Variants in NEBL observed in about 807,000 individuals in gnomAD.
NEBL encodes nebulette.
In NEBL, 122 loss-of-function variants were observed where a neutral mutation model predicts 140.2. The ratio of observed to expected loss-of-function variants is 0.87; its 90% CI spans 0.75 to 1.01. The LOEUF (loss-of-function observed/expected upper bound fraction) is 1.01, where lower values mean the gene tolerates loss of function less well. Among genes scored for constraint, NEBL ranks in the 50% least tolerant of loss-of-function variants. The probability of loss-of-function intolerance (pLI) is 0.00; values close to 1 mark genes in which losing one functional copy is unlikely to be tolerated. For missense variants in NEBL, 1,365 were observed against 1,231.3 expected (o/e 1.11, Z -1.62); for synonymous variants, 436 against 398.9 (o/e 1.09, Z -1.11).
intron 2 of NEBL, among the ~76,000 whole-genome samples, chr10:21,024,844 CAGATA>C (rs1278647002): frequency 6.6e-5 from 10 of 151,950 alleles, no homozygotes; most frequent in Admixed American, 6.6e-4. Context: ...AAAAGAAAAC[CAGATA>C]AGATAAGAAA....
intron 3 of NEBL, among the ~76,000 whole-genome samples, chr10:21,180,930 G>C (rs1354974914): frequency 6.6e-6 from 1 of 152,042 alleles, no homozygotes; most frequent in East Asian, 1.9e-4. Context: ...TTACCTGCAG[G>C]CCTGGGACCT....
intron 3 of NEBL, among the ~76,000 whole-genome samples, chr10:21,196,976 G>A (rs1841663808): frequency 6.6e-6 from 1 of 152,080 alleles, no homozygotes. Context: ...TTTTTTCTCG[G>A]ATGTTATTTC....
intron 1 of NEBL, among the ~76,000 whole-genome samples, chr10:21,258,388 G>A (rs187132723): frequency 2.0e-5 from 3 of 152,158 alleles, no homozygotes; most frequent in Non-Finnish European, 4.4e-5. Context: ...GGCCAACATG[G>A]TGAAATCCCC....
chr10:21,021,088 G>A (rs1048368557), intron 2 of NEBL, among the ~76,000 whole-genome samples: 13 of 151,752 alleles, frequency 8.6e-5, no homozygotes, highest in African/African-American at 2.4e-4. Flanking sequence ...TTAGTGCCCC[G>A]TAGCCCAAGT....
rs534943446 is a variant in NEBL, at chr10:21,105,690, G to C, written c.164+66693C>G. On this transcript the variant is annotated intron_variant, in intron 2 of 6. Transcript: ENST00000417816. ...GTAGTAGCATGATTTATAATCCTTTGGGTATATACCCAATAAGGGGATCAC... is the reference window on the plus strand; with the variant it reads ...GTAGTAGCATGATTTATAATCCTTTCGGTATATACCCAATAAGGGGATCAC... Among the ~76,000 whole-genome samples, 3 of 152,180 alleles carry C rather than the reference G, an allele frequency of 2.0e-5. 1 individual carries two copies. In the South Asian group the frequency reaches 6.2e-4, roughly 32 times the overall value.
chr10:20,949,393 C>T (rs1054243094), intron 4 of NEBL, among the ~76,000 whole-genome samples: 15 of 152,102 alleles, frequency 9.9e-5, no homozygotes, highest in African/African-American at 3.6e-4. Flanking sequence ...CAGCAAACCA[C>T]CATGGCACAT....
Position 20,996,015 on chromosome 10 carries a change from A to T in NEBL, c.249+24102T>A, listed in dbSNP as rs1338726227. 2.6e-5 allele frequency among the ~76,000 whole-genome samples: 4 copies of T among 152,274 alleles called. No individual in the cohort carries two copies. In the East Asian group the frequency reaches 5.8e-4, roughly 22 times the overall value. On this transcript the variant is annotated intron_variant, in intron 3 of 6. Coordinates refer to the NEBL transcript ENST00000417816. ...TTTATAAGATTCCTTCTGTGGCCAG[A>T]TTCCTTCACACAACTTATCTTCGCC...
chr10:21,255,906 C>T (rs571145161), intron 1 of NEBL, among the ~76,000 whole-genome samples: 2 of 150,290 alleles, frequency 1.3e-5, no homozygotes, highest in African/African-American at 2.5e-5. Context: ...TGCTTGAGCC[C>T]GGGAGGCAAA....
chr10:20,861,262 C>T (rs1290763840), intron 7 of NEBL, among the ~76,000 whole-genome samples: 2 of 152,166 alleles, frequency 1.3e-5, no homozygotes, highest in Non-Finnish European at 2.9e-5. Flanking sequence ...ACTGCAAGCT[C>T]CACCTCCCAG....
chr10:20,848,141 T>C (rs1462183963), intron 11 of NEBL, among the ~76,000 whole-genome samples: 1 of 152,130 alleles, frequency 6.6e-6, no homozygotes, highest in African/African-American at 2.4e-5. Flanking sequence ...GGACATTCAT[T>C]GGGTGGCTCT....
chr10:21,257,196 A>T (rs934243273), intron 1 of NEBL, among the ~76,000 whole-genome samples: 7 of 152,232 alleles, frequency 4.6e-5, no homozygotes, highest in African/African-American at 1.7e-4. Flanking sequence ...GCAAAGGATA[A>T]AGTTTCAATG....
In NEBL at chr10:20,828,606, A is replaced by ATC. The variant is rs1225823755; in HGVS notation, c.1698_1699dup (p.Met567ArgfsTer9). 6.3e-7 allele frequency: 1 copy of ATC among 1,587,190 alleles called. No homozygotes were observed. The highest frequency in any genetic ancestry group is 8.7e-7 in the Non-Finnish European group (1 of 1,156,008). ...TGCTATGGTAGAATAGTTAGAAAGC[A>ATC]TCTTCTCTGCTTCATCTTTATACTT... is the stretch of plus-strand genomic sequence containing the variant. On this transcript the variant is annotated frameshift_variant, in exon 17 of 28. Coordinates refer to ENST00000377122, the MANE Select transcript of NEBL (RefSeq NM_006393.3). LOFTEE classifies it high-confidence loss of function.
intron 11 of NEBL, among the ~76,000 whole-genome samples, chr10:20,848,004 T>C (rs1319342072): frequency 6.6e-6 from 1 of 152,150 alleles, no homozygotes; most frequent in Non-Finnish European, 1.5e-5. Flanking sequence ...ATTTTTTTTC[T>C]AAATGGGAAA....
At chr10:21,018,353 T>C (rs914226561) in intron 3 of NEBL, among the ~76,000 whole-genome samples, 2 of 152,078 alleles carry the variant, frequency 1.3e-5, no homozygotes, top group African/African-American at 4.8e-5. Flanking sequence ...AACCCTAACT[T>C]GACGAGAAGA....
At chr10:21,268,540 G>A (rs747225239) in intron 1 of NEBL, among the ~76,000 whole-genome samples, 1 of 138,594 alleles carries the variant, frequency 7.2e-6, no homozygotes, top group Non-Finnish European at 1.6e-5. Flanking sequence ...TTTTTTTTTT[G>A]GGAGATGGTA....
intron 4 of NEBL, among the ~76,000 whole-genome samples, chr10:20,941,660 G>A (rs1215951216): frequency 6.6e-6 from 1 of 151,452 alleles, no homozygotes; most frequent in African/African-American, 2.4e-5. Context: ...GTTTGCAGAT[G>A]ACATGATTGT....
intron 25 of NEBL, 29 bp from the exon 26 acceptor site, chr10:20,808,688 G>A (rs1212708943): frequency 6.2e-7 from 1 of 1,601,052 alleles, no homozygotes; most frequent in Non-Finnish European, 8.6e-7. Flanking sequence ...ATTTACACGT[G>A]TGATTAAGTG....
intron 2 of NEBL, among the ~76,000 whole-genome samples, chr10:21,047,637 G>C (rs1479742613): frequency 2.0e-5 from 3 of 151,636 alleles, no homozygotes; most frequent in Non-Finnish European, 4.4e-5. Flanking sequence ...ACATAGCATT[G>C]ACCAAAAAAA....
chr10:21,008,970 C>A (rs1838237119), intron 3 of NEBL, among the ~76,000 whole-genome samples: 1 of 151,484 alleles, frequency 6.6e-6, no homozygotes, highest in Admixed American at 6.6e-5. Context: ...CATATACATA[C>A]ACACTCCTAA....
Sources: gnomAD v4.1 joint callset for allele counts (sites outside exome capture counted in the v4.1 genomes callset) on GRCh38, gnomAD v4.1.1 for gene constraint, MANE v1.5 for transcripts, NCBI Gene and HGNC (gene_info 2026-07-23, HGNC 2026-07-21) for gene names.